Variants in HTR2A observed in about 807,000 individuals in gnomAD.
The protein encoded by HTR2A is 5-hydroxytryptamine receptor 2A, also known as 5-HT2 receptor.
A neutral mutation model predicts 31.0 loss-of-function variants in HTR2A; 14 were observed. The ratio of observed to expected loss-of-function variants is 0.45; its 90% CI spans 0.30 to 0.71. HTR2A has a LOEUF of 0.71. Among genes scored for constraint, HTR2A ranks in the 30% least tolerant of loss-of-function variants. HTR2A has a pLI of 0.09. For missense variants in HTR2A, 442 were observed against 573.3 expected, an observed-to-expected ratio of 0.77 and a Z score of 2.34; for synonymous variants, 209 against 225.2, an observed-to-expected ratio of 0.93 and a Z score of 0.64.
At chr13:46,846,490 C>T (rs1950643840) in intron 3 of HTR2A, among the ~76,000 whole-genome samples, 1 of 152,136 alleles carries the variant, frequency 6.6e-6, no homozygotes, top group Non-Finnish European at 1.5e-5. Flanking sequence ...CATTGCTTGC[C>T]ACTTTGCACA....
At chr13:46,864,463 T>G (rs1593435710) in intron 3 of HTR2A, among the ~76,000 whole-genome samples, 1 of 152,310 alleles carries the variant, frequency 6.6e-6, no homozygotes, top group East Asian at 1.9e-4. Context: ...GAAAAATATT[T>G]TAAAAGGCCC....
intron 3 of HTR2A, among the ~76,000 whole-genome samples, chr13:46,840,975 T>C (rs934529829): frequency 2.6e-5 from 4 of 152,076 alleles, no homozygotes; most frequent in Admixed American, 6.6e-5. Flanking sequence ...TGGGAGGTGA[T>C]TGGATCATGG....
chr13:46,880,426 A>G (rs1178138270), intron 3 of HTR2A, among the ~76,000 whole-genome samples: 1 of 152,214 alleles, frequency 6.6e-6, no homozygotes, highest in Non-Finnish European at 1.5e-5. Flanking sequence ...TCTGCTTTAA[A>G]TAGCCAGAAG....
At chr13:46,849,885 A>G (rs540435260) in intron 3 of HTR2A, among the ~76,000 whole-genome samples, 2 of 152,382 alleles carry the variant, frequency 1.3e-5, no homozygotes, top group African/African-American at 4.8e-5. Flanking sequence ...AAGACAGTGC[A>G]TGGCACATAG....
intron 3 of HTR2A, among the ~76,000 whole-genome samples, chr13:46,850,651 T>C (rs1388088242): frequency 6.6e-6 from 1 of 152,176 alleles, no homozygotes; most frequent in African/African-American, 2.4e-5. Flanking sequence ...CTGGAATTCA[T>C]GCAGTGTCCT....
chr13:46,884,683 A>T (rs1950992366), intron 3 of HTR2A, among the ~76,000 whole-genome samples: 1 of 152,146 alleles, frequency 6.6e-6, no homozygotes, highest in South Asian at 2.1e-4. Flanking sequence ...ACAGAACAAA[A>T]CAAAACTGTG....
At chr13:46,836,192 A>T (rs1356335847) in intron 3 of HTR2A, among the ~76,000 whole-genome samples, 1 of 109,440 alleles carries the variant, frequency 9.1e-6, no homozygotes, top group Non-Finnish European at 2.0e-5. Flanking sequence ...ATCTTTTTTA[A>T]AAAATCTAAT....
intron 3 of HTR2A, among the ~76,000 whole-genome samples, chr13:46,883,170 T>C (rs1346572688): frequency 1.3e-5 from 2 of 152,032 alleles, no homozygotes; most frequent in African/African-American, 4.8e-5. Context: ...TGAGATTTTA[T>C]CATTTTCTCT....
At chr13:46,872,858 A>T (rs1202701413) in intron 3 of HTR2A, among the ~76,000 whole-genome samples, 1 of 151,964 alleles carries the variant, frequency 6.6e-6, no homozygotes, top group African/African-American at 2.4e-5. Context: ...TTCTCTGGGA[A>T]TGGGCCCTGA....
chr13:46,849,855 T>G (rs1451588815), intron 3 of HTR2A, among the ~76,000 whole-genome samples: 1 of 152,238 alleles, frequency 6.6e-6, no homozygotes, highest in East Asian at 1.9e-4. Flanking sequence ...GTGAGCTCCA[T>G]AAAAGCAGAT....
Position 46,895,411 on chromosome 13 carries a change from C to T in HTR2A, c.412+84G>A. 1 of 1,273,458 alleles carries T rather than the reference C, an allele frequency of 7.9e-7. No homozygotes were observed. Among genetic ancestry groups the T allele is most frequent in the East Asian group, 2.4e-5 (1 of 41,286 alleles). The allele number at this position is 1,273,458 out of a possible 1,614,324, so 78.9% of individuals were successfully genotyped here. On this transcript the variant is annotated intron_variant, in intron 2 of 3. Coordinates refer to ENST00000542664, the MANE Select transcript of HTR2A (RefSeq NM_000621.5). This position sits in a 1 kb window ranked among gnomAD's most constrained non-coding sequence, Gnocchi z 4.4. ...ACTTCTATTTATAGTTTGTTTGCCC[C>T]CTGAGCCCCATCTCATCTGCTGGTG... is the stretch of plus-strand genomic sequence containing the variant.
intron 3 of HTR2A, among the ~76,000 whole-genome samples, chr13:46,872,306 C>G (rs1374318664): frequency 6.6e-6 from 1 of 151,298 alleles, no homozygotes; most frequent in African/African-American, 2.4e-5. Flanking sequence ...GTTATAAAAT[C>G]TAGCATGCTG....
intron 2 of HTR2A, among the ~76,000 whole-genome samples, chr13:46,894,940 C>T (rs1170185562): frequency 2.0e-5 from 3 of 152,196 alleles, no homozygotes; most frequent in Non-Finnish European, 4.4e-5. Flanking sequence ...TGGAGTAATT[C>T]ATTTATTCTA....
chr13:46,858,254 T>A (rs921793107), intron 3 of HTR2A, among the ~76,000 whole-genome samples: 4 of 152,108 alleles, frequency 2.6e-5, no homozygotes, highest in African/African-American at 9.7e-5. Context: ...CAAGCAGAGC[T>A]GCTTGGAAAA....
intron 3 of HTR2A, among the ~76,000 whole-genome samples, chr13:46,883,067 A>T (rs1950978864): frequency 1.3e-5 from 2 of 152,238 alleles, no homozygotes; most frequent in South Asian, 4.1e-4. Context: ...CAAGTCCTAC[A>T]GCAAAAACCA....
intron 3 of HTR2A, among the ~76,000 whole-genome samples, chr13:46,856,788 C>G (rs1180291794): frequency 1.3e-5 from 2 of 152,140 alleles, no homozygotes; most frequent in Non-Finnish European, 2.9e-5. Context: ...TGAATATCTA[C>G]TAAGTGCCAG....
chr13:46,841,098 A>G (rs1323376978), intron 3 of HTR2A, among the ~76,000 whole-genome samples: 1 of 152,122 alleles, frequency 6.6e-6, no homozygotes, highest in Non-Finnish European at 1.5e-5. Context: ...CCACCATGTA[A>G]GATGCACCTG....
chr13:46,897,328 AGTGCTGTG>A (rs745577471), upstream of HTR2A, among the ~76,000 whole-genome samples: 3 of 152,142 alleles, frequency 2.0e-5, no homozygotes, highest in Non-Finnish European at 2.9e-5. Flanking sequence ...ATGTCCTCGG[AGTGCTGTG>A]AGTGTCCGGC....
intron 3 of HTR2A, among the ~76,000 whole-genome samples, chr13:46,891,900 A>C (rs1951055805): frequency 6.6e-6 from 1 of 152,206 alleles, no homozygotes; most frequent in South Asian, 2.1e-4. Flanking sequence ...GTCGGACTGA[A>C]AAGCAGCCTT....
Sources: allele counts gnomAD v4.1 joint callset (sites outside exome capture counted in the v4.1 genomes callset), GRCh38; gene constraint gnomAD v4.1.1; non-coding constraint Gnocchi (gnomAD v3.1); transcripts MANE v1.5; gene names NCBI Gene and HGNC (gene_info 2026-07-23, HGNC 2026-07-21).